GSTA1: variants seen among roughly 807,000 people sequenced by gnomAD.
The protein encoded by GSTA1 is glutathione S-transferase alpha 1, also known as glutathione S-transferase A1.
In GSTA1, 23 loss-of-function variants were observed where a neutral mutation model predicts 21.5. The observed-to-expected ratio is 1.07, with a 90% CI of 0.77 to 1.52. The LOEUF is 1.52. Ranked by LOEUF, GSTA1 falls within the 40% of genes most tolerant of loss-of-function variation. GSTA1 has a pLI of 0.00. For synonymous variants in GSTA1, 125 were observed against 90.0 expected (o/e 1.39, Z -2.20); for missense variants, 301 against 264.2 (o/e 1.14, Z -0.96).
At chr6:52,797,219 T>G (rs1445235303) in intron 3 of GSTA1, among the ~76,000 whole-genome samples, 1 of 152,164 alleles carries the variant, frequency 6.6e-6, no homozygotes, top group Non-Finnish European at 1.5e-5. Context: ...AGTGGCCACA[T>G]CTATTCCTCC....
At position 52,794,233 on chromosome 6, in the gene GSTA1, C is replaced by G. The variant is rs765335377; in HGVS notation, c.306G>C (p.Leu102Phe). Residue 102 changes from leucine (L) to phenylalanine (F), a missense_variant, in exon 5 of 7, where the codon TTG becomes TTC. Transcript: ENST00000334575. ...CGGGCAGAAGGAGGATCATTTCACC[C>G]AAATCTGCTATACCTTCTATATACA... ...IDMYIEGIAD[L>F]GEMILLLPVC... 1.2e-6 allele frequency: 2 copies of G among 1,613,544 alleles called. No individual in the cohort carries two copies. The highest frequency in any genetic ancestry group is 1.7e-5 in the Admixed American group (1 of 59,988).
At chr6:52,799,572 G>A (rs915391703) in intron 1 of GSTA1, among the ~76,000 whole-genome samples, 6 of 152,138 alleles carry the variant, frequency 3.9e-5, no homozygotes, top group Admixed American at 3.9e-4. Flanking sequence ...TACATGTATA[G>A]GAGTTATTGG....
chr6:52,792,038 A>G (rs1049797396), intron 6 of GSTA1, 58 bp from the exon 7 acceptor site: 25 of 1,605,866 alleles, frequency 1.6e-5, no homozygotes, highest in Non-Finnish European at 2.0e-5. Context: ...CACCATTAAC[A>G]TGACCCAGGG....
In GSTA1 at chr6:52,796,543, A is replaced by ATTTTTT. The variant is rs34109072; in HGVS notation, c.140-235_140-230dup. On this transcript the variant is annotated intron_variant, in intron 3 of 6. Coordinates refer to ENST00000334575, the MANE Select transcript of GSTA1 (RefSeq NM_145740.5). ...TGTGTGTGTGTGTATATATATATATATTTTTTTTTTTTTTTTTTTTGGCAG... is the reference window on the plus strand; with the variant it reads ...TGTGTGTGTGTGTATATATATATATATTTTTTTTTTTTTTTTTTTTTTTTTTGGCAG... Among the ~76,000 whole-genome samples, 234 of 23,732 alleles carry ATTTTTT rather than the reference A, an allele frequency of 9.9e-3. 1 individual carries two copies. Among genetic ancestry groups the ATTTTTT allele is most frequent in the Non-Finnish European group, 0.019 (180 of 9,364 alleles). The allele number at this position is 23,732 out of a possible 152,430, so 15.6% of individuals were successfully genotyped here.
chr6:52,795,461 T>C (rs1245667842), intron 4 of GSTA1, among the ~76,000 whole-genome samples: 1 of 152,210 alleles, frequency 6.6e-6, no homozygotes, highest in Non-Finnish European at 1.5e-5. Flanking sequence ...GGATGTATTT[T>C]CGATTATTTG....
At chr6:52,799,331 A>G (rs1456070972) in intron 1 of GSTA1, 34 bp from the exon 2 acceptor site, 2 of 1,383,424 alleles carry the variant, frequency 1.4e-6, no homozygotes, top group Admixed American at 4.0e-5. Flanking sequence ...AATAATTGAA[A>G]CGATAGAATC....
intron 3 of GSTA1, among the ~76,000 whole-genome samples, chr6:52,797,297 T>C (rs1402449180): frequency 6.6e-6 from 1 of 152,182 alleles, no homozygotes; most frequent in Non-Finnish European, 1.5e-5. Context: ...CCTGTGCTGA[T>C]GACCACCACT....
At chr6:52,802,057 T>C (rs1034678939) in intron 1 of GSTA1, among the ~76,000 whole-genome samples, 1 of 152,168 alleles carries the variant, frequency 6.6e-6, no homozygotes, top group Non-Finnish European at 1.5e-5. Context: ...ATCTAATTCC[T>C]GAGTTCCTCC....
intron 1 of GSTA1, among the ~76,000 whole-genome samples, chr6:52,800,121 T>C (rs1763679543): frequency 6.6e-6 from 1 of 152,202 alleles, no homozygotes. Flanking sequence ...AATTTTGCAA[T>C]ATGGAAGGAG....
intron 4 of GSTA1, among the ~76,000 whole-genome samples, chr6:52,795,614 G>T (rs1445371566): frequency 2.0e-5 from 3 of 152,078 alleles, no homozygotes; most frequent in Non-Finnish European, 1.5e-5. Context: ...GGTTTTGCTG[G>T]TATTGAATCA....
chr6:52,795,627 C>G (rs1427773015), intron 4 of GSTA1, among the ~76,000 whole-genome samples: 2 of 152,136 alleles, frequency 1.3e-5, no homozygotes, highest in Admixed American at 1.3e-4. Context: ...TTGAATCAAT[C>G]TGGCTGTTTT....
intron 5 of GSTA1, 125 bp downstream of exon 5, chr6:52,794,000 A>C (rs1443302264): frequency 3.0e-5 from 34 of 1,115,982 alleles, no homozygotes; most frequent in Non-Finnish European, 2.4e-5. Context: ...TGAGAGTCAG[A>C]GTGCTGCATT....
Position 52,794,009 on chromosome 6 carries a change from T to A in GSTA1, c.414+116A>T, listed in dbSNP as rs1581793186. On this transcript the variant is annotated intron_variant, in intron 5 of 6. Coordinates refer to ENST00000334575, the MANE Select transcript of GSTA1 (RefSeq NM_145740.5). ...ATGCCTTGAGAGTCAGAGTGCTGCA[T>A]TGGTGTTCAGGAAGTCTCACTGAAA... is the stretch of plus-strand genomic sequence containing the variant. The A allele has an allele frequency of 2.4e-6, 3 of 1,260,810 alleles. No homozygotes were observed. The East Asian group carries it at 7.0e-5, about 29-fold the overall frequency. The allele number at this position is 1,260,810 out of a possible 1,614,324, so 78.1% of individuals were successfully genotyped here. A position where few individuals can be genotyped will look rare whatever the true frequency, so the allele number is the denominator to read the frequency against.
In GSTA1 at chr6:52,794,248, T is replaced by G. The variant is rs1229486690; in HGVS notation, c.291A>C (p.Glu97Asp). ...TCATTTCACCCAAATCTGCTATACC[T>G]TCTATATACATATCAATCCTGAAAG... ...KERALIDMYI[E>D]GIADLGEMIL... Residue 97 changes from glutamate to aspartate, a missense_variant, in exon 5 of 7, where the codon GAA (glutamate) becomes GAC (aspartate). Transcript: ENST00000334575. The G allele has an allele frequency of 2.5e-6, 4 of 1,613,278 alleles. No individual in the cohort carries two copies. Among genetic ancestry groups the G allele is most frequent in the Non-Finnish European group, 2.5e-6 (3 of 1,179,456 alleles).
At chr6:52,794,299 C>T (rs72552261) in intron 4 of GSTA1, 33 bp from the exon 5 acceptor site, 112,877 of 1,590,286 alleles carry the variant, frequency 0.071, 4,683 homozygotes, top group South Asian at 0.092. Flanking sequence ...TGGTCAAATA[C>T]CTTTTGCCTT....
intron 4 of GSTA1, 74 bp downstream of exon 4, chr6:52,796,108 G>T (rs111723181): frequency 1.2e-6 from 2 of 1,604,992 alleles, no homozygotes; most frequent in South Asian, 1.1e-5. Flanking sequence ...CCCTGCCATC[G>T]TCCCACCCAC....
chr6:52,799,437 T>C (rs1763661764), intron 1 of GSTA1, 140 bp from the exon 2 acceptor site: 2 of 603,110 alleles, frequency 3.3e-6, no homozygotes, highest in Admixed American at 3.5e-5. Context: ...TCCTGGAATG[T>C]TTTCTTGGCT....
Position 52,797,603 on chromosome 6 carries a change from A to C in GSTA1, c.122T>G (p.Leu41Trp), listed in dbSNP as rs759984787. 2 of 1,608,216 alleles carry C rather than the reference A, an allele frequency of 1.2e-6. No homozygotes were observed. The highest frequency in any genetic ancestry group is 2.7e-5 in the African/African-American group (2 of 74,790). Reference protein sequence around the residue: ...EEKFIKSAEDLDKLRNDGYLM... With the variant: ...EEKFIKSAEDWDKLRNDGYLM... ...GATCTTACCATTTCTTAACTTGTCC[A>C]AATCTTCTGCAGATTTTATAAATTT... is the stretch of plus-strand genomic sequence containing the variant. Residue 41 changes from leucine (L) to tryptophan (W), a missense_variant, in exon 3 of 7, where the codon TTG (leucine) becomes TGG (tryptophan). Transcript: ENST00000334575.
At position 52,796,326 on chromosome 6, in the gene GSTA1, A is replaced by C. The variant is rs1297865416; in HGVS notation, c.140-12T>G. 1.2e-6 allele frequency: 2 copies of C among 1,613,774 alleles called. No homozygotes were observed. The highest frequency in any genetic ancestry group is 2.2e-5 in the South Asian group (2 of 91,048). ...CATCAAATATCCATCTTTAGAAGGA[A>C]GAAAAAAAAGGAGAGTGAAGTGTCT... On this transcript the variant is annotated splice_polypyrimidine_tract_variant and intron_variant, in intron 3 of 6. Coordinates refer to ENST00000334575, the MANE Select transcript of GSTA1 (RefSeq NM_145740.5).
Sources: gnomAD v4.1 joint callset for allele counts (sites outside exome capture counted in the v4.1 genomes callset) on GRCh38, gnomAD v4.1.1 for gene constraint, MANE v1.5 for transcripts, NCBI Gene and HGNC (gene_info 2026-07-23, HGNC 2026-07-21) for gene names.